The following SAMSN1 variants were observed in gnomAD, a reference collection of about 807,000 sequenced individuals.
SAMSN1 encodes SAM domain, SH3 domain and nuclear localization signals 1, also known as SAM domain-containing protein SAMSN-1.
SAMSN1 carries 31 observed loss-of-function variants against 42.0 expected under a neutral mutation model. The observed-to-expected ratio is 0.74, with a 90% CI of 0.55 to 1.00. The LOEUF is 1.00. SAMSN1 is among the 50% of genes least tolerant of loss of function. The pLI, the probability that SAMSN1 is intolerant of heterozygous loss-of-function variation, is 0.00. For missense variants in SAMSN1, 464 were observed against 439.4 expected (o/e 1.06, Z -0.50); for synonymous variants, 178 against 151.9 (o/e 1.17, Z -1.26).
At chr21:14,515,660 C>A (rs73173209) in intron 3 of SAMSN1, among the ~76,000 whole-genome samples, 1 of 152,070 alleles carries the variant, frequency 6.6e-6, no homozygotes, top group Admixed American at 6.6e-5. Context: ...AAATTAGGAA[C>A]ATTTGTGCTA....
intron 1 of SAMSN1, among the ~76,000 whole-genome samples, chr21:14,524,479 ATGT>A (rs2123054030): frequency 6.6e-6 from 1 of 152,324 alleles, no homozygotes; most frequent in East Asian, 1.9e-4. Flanking sequence ...CTCTACACGA[ATGT>A]TTCCAGTCTT....
At chr21:14,617,540 A>G (rs1982871189) in intron 2 of SAMSN1, among the ~76,000 whole-genome samples, 1 of 152,176 alleles carries the variant, frequency 6.6e-6, no homozygotes, top group Non-Finnish European at 1.5e-5. Flanking sequence ...TCCATGTTCC[A>G]CAGTCTATGC....
intron 6 of SAMSN1, among the ~76,000 whole-genome samples, chr21:14,596,678 A>G (rs141803780): frequency 9.3e-4 from 142 of 152,302 alleles, no homozygotes; most frequent in African/African-American, 3.2e-3. Flanking sequence ...TGGATAGACC[A>G]AAGTGGCAAG....
At chr21:14,585,638 T>A (rs1237393848), upstream of SAMSN1, 2 of 152,360 alleles carry the variant, frequency 1.3e-5, no homozygotes, top group East Asian at 3.9e-4. Context: ...ATATTGTTAA[T>A]TTTTGTATCT....
At chr21:14,601,788 C>T (rs1026837433) in intron 6 of SAMSN1, among the ~76,000 whole-genome samples, 1 of 152,154 alleles carries the variant, frequency 6.6e-6, no homozygotes, top group Non-Finnish European at 1.5e-5. Context: ...AAAGGCTGTA[C>T]AACATGATGT....
chr21:14,499,789 G>T (rs1987067619), intron 6 of SAMSN1, among the ~76,000 whole-genome samples: 1 of 152,056 alleles, frequency 6.6e-6, no homozygotes, highest in African/African-American at 2.4e-5. Flanking sequence ...TTTACAGACA[G>T]GAACATAACT....
At chr21:14,605,639 A>G (rs892260950) in intron 5 of SAMSN1, among the ~76,000 whole-genome samples, 2 of 152,110 alleles carry the variant, frequency 1.3e-5, no homozygotes, top group African/African-American at 2.4e-5. Context: ...ATATGCTTAC[A>G]TTGAAGAGGC....
rs1447278197 is a variant in SAMSN1 at position 14,506,988 on chromosome 21, C to T, written c.561+3322G>A. 2.6e-5 allele frequency among the ~76,000 whole-genome samples: 4 copies of T among 152,088 alleles called. No homozygotes were observed. The East Asian group carries it at 7.7e-4, about 29-fold the overall frequency. ...TGCAGAAAAAGCATTAGACAAAATC[C>T]AGCATTTCTTCATGATTAAAACTCA... On this transcript the variant is annotated intron_variant, in intron 5 of 7. Coordinates refer to ENST00000400566, the MANE Select transcript of SAMSN1 (RefSeq NM_022136.5).
At chr21:14,616,236 T>C (rs1394101845) in intron 2 of SAMSN1, among the ~76,000 whole-genome samples, 1 of 152,120 alleles carries the variant, frequency 6.6e-6, no homozygotes, top group Non-Finnish European at 1.5e-5. Flanking sequence ...TTCCCTTTTG[T>C]CTTTGTAACT....
intron 2 of SAMSN1, among the ~76,000 whole-genome samples, chr21:14,618,388 G>T (rs575349791): frequency 2.0e-5 from 3 of 152,142 alleles, no homozygotes; most frequent in Non-Finnish European, 4.4e-5. Context: ...ACTTAAACAG[G>T]CCAACATCTA....
chr21:14,541,810 A>AGCAAAACCCCCATGTCT (rs1437216160), intron 1 of SAMSN1, among the ~76,000 whole-genome samples: 5 of 152,148 alleles, frequency 3.3e-5, no homozygotes, highest in African/African-American at 9.7e-5. Context: ...TGGACAATCT[A>AGCAAAACCCCCATGTCT]GCAAAACCCC....
At chr21:14,642,666 C>G (rs1248134910) in intron 2 of SAMSN1, among the ~76,000 whole-genome samples, 1 of 152,184 alleles carries the variant, frequency 6.6e-6, no homozygotes, top group Non-Finnish European at 1.5e-5. Context: ...CCAACTTTAA[C>G]ACTTAATAGT....
intron 2 of SAMSN1, among the ~76,000 whole-genome samples, 191 bp downstream of exon 2, chr21:14,520,959 G>A (rs1978426305): frequency 6.6e-6 from 1 of 151,848 alleles, no homozygotes; most frequent in African/African-American, 2.4e-5. Flanking sequence ...TCCTGGTCGT[G>A]TGACAAGAAC....
chr21:14,552,057 A>G (rs1459710074), intron 2 of SAMSN1, among the ~76,000 whole-genome samples: 1 of 152,126 alleles, frequency 6.6e-6, no homozygotes, highest in African/African-American at 2.4e-5. Context: ...TTCAATCATT[A>G]CATGTGTAAA....
At chr21:14,496,454 T>G (rs930531736) in intron 7 of SAMSN1, 8 of 152,226 alleles carry the variant, frequency 5.3e-5, no homozygotes, top group African/African-American at 1.9e-4. Flanking sequence ...AATACTCTTC[T>G]CCTCCCTGTA....
At chr21:14,580,537 AC>A (rs1321697638) in intron 2 of SAMSN1, among the ~76,000 whole-genome samples, 1 of 152,202 alleles carries the variant, frequency 6.6e-6, no homozygotes, top group African/African-American at 2.4e-5. Context: ...CTAAGAGAAA[AC>A]CTGCAAAGTG....
chr21:14,623,071 G>A (rs1370275950), intron 2 of SAMSN1, among the ~76,000 whole-genome samples: 1 of 152,182 alleles, frequency 6.6e-6, no homozygotes, highest in Non-Finnish European at 1.5e-5. Context: ...AGCAAATGCT[G>A]AGAGAATTTG....
At chr21:14,515,110 C>T (rs1163464993) in intron 3 of SAMSN1, among the ~76,000 whole-genome samples, 1 of 151,910 alleles carries the variant, frequency 6.6e-6, no homozygotes, top group Admixed American at 6.6e-5. Context: ...GTAAGGAAAT[C>T]AGCACTTGGG....
In SAMSN1 at chr21:14,498,511, A is replaced by G. The variant is rs1220451952; in HGVS notation, c.850T>C (p.Leu284=). The G allele has an allele frequency of 1.2e-6, 2 of 1,610,934 alleles. No homozygotes were observed. Among genetic ancestry groups the G allele is most frequent in the Admixed American group, 1.7e-5 (1 of 59,350 alleles). The part of the protein sequence containing the change: ...KDIKESHLIE[L]NIENPDDRRR... ...CTGTCATCTGGGTTTTCAATATTTA[A>G]TTCAATGAGGTGACTCTCTTTTATA... The change falls in exon 7 of 8, where the codon TTA becomes CTA. Residue 284 remains leucine (L), a synonymous_variant. Transcript: ENST00000400566.
Sources: allele counts gnomAD v4.1 joint callset (sites outside exome capture counted in the v4.1 genomes callset), GRCh38; gene constraint gnomAD v4.1.1; transcripts MANE v1.5; gene names NCBI Gene and HGNC (gene_info 2026-07-23, HGNC 2026-07-21).